ANOS1: variants seen among roughly 807,000 people sequenced by gnomAD.
The protein encoded by ANOS1 is anosmin-1.
A neutral mutation model predicts 59.0 loss-of-function variants in ANOS1; 6 were observed. That is an observed-to-expected ratio of 0.10 (90% CI 0.06 to 0.20). ANOS1 has a LOEUF of 0.20. Among genes scored for constraint, ANOS1 ranks in the 10% least tolerant of loss-of-function variants. ANOS1 has a pLI of 1.00. For synonymous variants in ANOS1, 217 were observed against 223.4 expected, an observed-to-expected ratio of 0.97 and a Z score of 0.25; for missense variants, 433 against 542.3, an observed-to-expected ratio of 0.80 and a Z score of 2.00.
intron 2 of ANOS1, among the ~76,000 whole-genome samples, chrX:8,673,072 C>T (rs1270101529): frequency 9.0e-6 from 1 of 111,135 alleles, no homozygotes; most frequent in Non-Finnish European, 1.9e-5. Context: ...CTAAGTTTTA[C>T]ATTGAAATCA....
intron 2 of ANOS1, among the ~76,000 whole-genome samples, chrX:8,659,152 G>A (rs1464651681): frequency 3.6e-5 from 4 of 110,413 alleles, no homozygotes; most frequent in Non-Finnish European, 7.6e-5. Flanking sequence ...GCGTGAACCC[G>A]GGAGGCGGAG....
intron 2 of ANOS1, among the ~76,000 whole-genome samples, chrX:8,652,332 A>C (rs750807666): frequency 9.0e-6 from 1 of 111,680 alleles, no homozygotes; most frequent in African/African-American, 3.3e-5. Flanking sequence ...ATTCATAAGA[A>C]ATAGCAAAAT....
intron 11 of ANOS1, among the ~76,000 whole-genome samples, 184 bp downstream of exon 11, chrX:8,536,587 T>C (rs1173846284): frequency 1.8e-5 from 2 of 112,125 alleles, no homozygotes; most frequent in Non-Finnish European, 3.8e-5. Context: ...TCCAAGCCTG[T>C]TAGGCTTTAA....
chrX:8,669,664 A>T (rs1932223838), intron 2 of ANOS1, among the ~76,000 whole-genome samples: 1 of 111,929 alleles, frequency 8.9e-6, no homozygotes, highest in Non-Finnish European at 1.9e-5. Flanking sequence ...ATGATTAATA[A>T]TGTGTACTAT....
chrX:8,716,868 C>G (rs1258917255), intron 1 of ANOS1, among the ~76,000 whole-genome samples: 1 of 111,868 alleles, frequency 8.9e-6, no homozygotes, highest in Non-Finnish European at 1.9e-5. Context: ...CAGATAGAGA[C>G]AGACACAGAG....
intron 4 of ANOS1, among the ~76,000 whole-genome samples, chrX:8,594,723 T>TACATATATATA (rs1491454781): frequency 5.6e-4 from 45 of 80,214 alleles, no homozygotes; most frequent in African/African-American, 2.1e-3. Flanking sequence ...CATATATATA[T>TACATATATATA]CTACATATAT....
At chrX:8,666,539 T>C (rs1932140454) in intron 2 of ANOS1, among the ~76,000 whole-genome samples, 1 of 111,723 alleles carries the variant, frequency 9.0e-6, no homozygotes. Flanking sequence ...CATTGTAAGT[T>C]TTCCCGTTGT....
At chrX:8,695,913 A>C (rs1932679294) in intron 2 of ANOS1, among the ~76,000 whole-genome samples, 1 of 111,883 alleles carries the variant, frequency 8.9e-6, no homozygotes, top group Admixed American at 9.5e-5. Flanking sequence ...CTTTGTAAGA[A>C]AGTCACCCAC....
At chrX:8,687,958 T>C (rs975051359) in intron 2 of ANOS1, among the ~76,000 whole-genome samples, 2 of 111,861 alleles carry the variant, frequency 1.8e-5, no homozygotes, top group South Asian at 7.5e-4. Flanking sequence ...AAATGAAAAG[T>C]TTCCAAAGTA....
At chrX:8,723,756 G>A (rs1477723814) in intron 1 of ANOS1, among the ~76,000 whole-genome samples, 2 of 111,571 alleles carry the variant, frequency 1.8e-5, no homozygotes, top group African/African-American at 6.5e-5. Context: ...TTTTTGGGGT[G>A]TAGCTCCACT....
At chrX:8,658,254 T>C (rs1387251568) in intron 2 of ANOS1, among the ~76,000 whole-genome samples, 3 of 111,709 alleles carry the variant, frequency 2.7e-5, no homozygotes, top group Non-Finnish European at 5.6e-5. Context: ...TCTTGTAACA[T>C]GCTGTCCAAC....
chrX:8,643,902 A>AC (rs1183234880), intron 2 of ANOS1, among the ~76,000 whole-genome samples: 21 of 106,530 alleles, frequency 2.0e-4, no homozygotes, highest in Non-Finnish European at 2.9e-4. Context: ...TAGAAGTGCC[A>AC]CCCCCCCAAC....
intron 2 of ANOS1, among the ~76,000 whole-genome samples, chrX:8,676,496 G>C (rs1322630956): frequency 2.7e-5 from 3 of 111,673 alleles, no homozygotes; most frequent in African/African-American, 9.9e-5. Flanking sequence ...TCCTGTTGAA[G>C]TGTGAGGGGA....
chrX:8,568,767 G>C (rs1246527809), intron 7 of ANOS1, among the ~76,000 whole-genome samples: 1 of 111,195 alleles, frequency 9.0e-6, no homozygotes, highest in African/African-American at 3.3e-5. Flanking sequence ...GCTGCAGTGA[G>C]CTGTGATCGC....
intron 2 of ANOS1, among the ~76,000 whole-genome samples, chrX:8,636,557 G>T (rs756962158): frequency 7.1e-5 from 8 of 112,089 alleles, no homozygotes; most frequent in Non-Finnish European, 1.1e-4. Flanking sequence ...AACCTAAAAT[G>T]AAGCATGTCT....
At chrX:8,623,009 A>C (rs1257374956) in intron 3 of ANOS1, among the ~76,000 whole-genome samples, 1 of 105,671 alleles carries the variant, frequency 9.5e-6, no homozygotes, top group Non-Finnish European at 1.9e-5. Flanking sequence ...GGATGGATGG[A>C]TAGCTGGATG....
Position 8,559,141 on chromosome X carries a change from C to T in ANOS1, c.1208-5043G>A, listed in dbSNP as rs1929992940. Among the ~76,000 whole-genome samples the T allele has an allele frequency of 2.7e-5, 3 of 111,708 alleles. No individual in the cohort carries two copies. The Admixed American group carries it at 2.9e-4, about 11-fold the overall frequency. ...CACCGGCAGTGAGCTTGACCAAAGG[C>T]ATCTGCCCAGTAGAAGAGCATCAGT... On this transcript the variant is annotated intron_variant, in intron 8 of 13. Coordinates refer to ENST00000262648, the MANE Select transcript of ANOS1 (RefSeq NM_000216.4).
At chrX:8,605,600 T>C (rs1371916790) in intron 3 of ANOS1, among the ~76,000 whole-genome samples, 1 of 92,157 alleles carries the variant, frequency 1.1e-5, no homozygotes, top group Non-Finnish European at 2.1e-5. Flanking sequence ...GAGCCGAGAT[T>C]GAACCACTGC....
intron 3 of ANOS1, among the ~76,000 whole-genome samples, chrX:8,622,008 C>T (rs184095014): frequency 1.0e-3 from 112 of 112,052 alleles, no homozygotes; most frequent in African/African-American, 3.3e-3. Flanking sequence ...GATGGCCTCA[C>T]TCTCCTTATC....
Sources: allele counts gnomAD v4.1 joint callset (sites outside exome capture counted in the v4.1 genomes callset), GRCh38; gene constraint gnomAD v4.1.1; transcripts MANE v1.5; gene names NCBI Gene and HGNC (gene_info 2026-07-23, HGNC 2026-07-21).